TMCO5A: variants seen among roughly 807,000 people sequenced by gnomAD.
TMCO5A encodes transmembrane and coiled-coil domains 5A.
TMCO5A carries 34 observed loss-of-function variants against 42.3 expected under a neutral mutation model. The ratio of observed to expected loss-of-function variants is 0.80; its 90% CI spans 0.61 to 1.07. TMCO5A has a LOEUF of 1.07. Ranked by LOEUF, TMCO5A falls within the 50% of genes least tolerant of loss-of-function variation. The pLI is 0.00. For synonymous variants in TMCO5A, 131 were observed against 115.6 expected, an observed-to-expected ratio of 1.13 and a Z score of -0.86; for missense variants, 357 against 327.9, an observed-to-expected ratio of 1.09 and a Z score of -0.69.
rs1401516471 is a variant in TMCO5A at position 37,937,351 on chromosome 15, G to A, written c.270G>A (p.Arg90=). The change falls in exon 5 of 12, where the codon AGG becomes AGA. Residue 90 remains arginine, a synonymous_variant. Transcript: ENST00000319669. ...CTGTTATTTCTCTCTCACAGGAAAG[G>A]AAGAATAAGACGTTGGTCCACAGTA... is the stretch of plus-strand genomic sequence containing the variant. ...ELEEETARLE[R]KNKTLVHSIT... is the part of the protein sequence containing the mutation. The A allele has an allele frequency of 5.6e-6, 9 of 1,612,946 alleles. No homozygotes were observed. The highest frequency in any genetic ancestry group is 2.2e-5 in the East Asian group (1 of 44,838).
the TMCO5A span, among the ~76,000 whole-genome samples, chr15:38,003,916 A>G: frequency 6.6e-6 from 1 of 152,076 alleles, no homozygotes; most frequent in Admixed American, 6.5e-5. Flanking sequence ...GTGGTACCCA[A>G]GCTTCAAAAC....
intron 5 of TMCO5A, among the ~76,000 whole-genome samples, chr15:37,937,685 A>G (rs750413457): frequency 5.9e-5 from 9 of 152,148 alleles, no homozygotes; most frequent in Non-Finnish European, 1.3e-4. Context: ...TGTTGAAGTC[A>G]TTGACTGGAA....
the TMCO5A span, among the ~76,000 whole-genome samples, chr15:37,995,676 T>A: frequency 6.6e-6 from 1 of 152,182 alleles, no homozygotes; most frequent in Non-Finnish European, 1.5e-5. Context: ...AGTCATTTTG[T>A]AGAAGCACAT....
chr15:37,983,758 C>G, the TMCO5A span, among the ~76,000 whole-genome samples: 2,058 of 144,728 alleles, frequency 0.014, 44 homozygotes, highest in African/African-American at 0.05. Context: ...GAGTTTCGCT[C>G]TTGTTGCCCA....
At chr15:38,029,684 A>C in the TMCO5A span, among the ~76,000 whole-genome samples, 2 of 152,142 alleles carry the variant, frequency 1.3e-5, no homozygotes, top group Non-Finnish European at 2.9e-5. Context: ...TCCTGGGCTC[A>C]AGTGATCCAC....
chr15:37,935,009 A>G (rs1246640000), intron 1 of TMCO5A, among the ~76,000 whole-genome samples: 2 of 152,128 alleles, frequency 1.3e-5, no homozygotes, highest in East Asian at 1.9e-4. Flanking sequence ...CTCTGACTAT[A>G]TCTATTAATA....
the TMCO5A span, among the ~76,000 whole-genome samples, chr15:37,995,566 G>C: frequency 6.6e-6 from 1 of 152,190 alleles, no homozygotes; most frequent in Non-Finnish European, 1.5e-5. Flanking sequence ...TTCCACCGAA[G>C]AGCCCAGTGG....
the TMCO5A span, among the ~76,000 whole-genome samples, chr15:37,992,740 G>C: frequency 6.6e-6 from 1 of 152,104 alleles, no homozygotes; most frequent in Non-Finnish European, 1.5e-5. Context: ...GCAAATTAAC[G>C]TAAGAACAGA....
chr15:37,969,198 T>A (rs1470624703), downstream of TMCO5A, among the ~76,000 whole-genome samples: 1 of 152,182 alleles, frequency 6.6e-6, no homozygotes, highest in Non-Finnish European at 1.5e-5. Flanking sequence ...ATGCCACATA[T>A]TAGATAAGCT....
At chr15:37,965,253 AAAATC>A (rs369800157) in intron 11 of TMCO5A, among the ~76,000 whole-genome samples, 9 of 152,218 alleles carry the variant, frequency 5.9e-5, no homozygotes, top group Admixed American at 6.6e-5. Context: ...ACCATATACA[AAAATC>A]AAATCAAAAT....
the TMCO5A span, among the ~76,000 whole-genome samples, chr15:38,006,789 AC>A: frequency 1.3e-5 from 2 of 151,974 alleles, no homozygotes; most frequent in African/African-American, 2.4e-5. Context: ...GGATTAGCAA[AC>A]TTTTTTGTAA....
chr15:37,985,073 A>G, the TMCO5A span, among the ~76,000 whole-genome samples: 9 of 151,844 alleles, frequency 5.9e-5, no homozygotes, highest in African/African-American at 2.2e-4. Context: ...AAAACAACAG[A>G]ACAGAACATA....
downstream of TMCO5A, among the ~76,000 whole-genome samples, chr15:37,969,604 T>C (rs1029964983): frequency 5.3e-5 from 8 of 152,184 alleles, no homozygotes; most frequent in Admixed American, 3.9e-4. Context: ...GTTTGCTATA[T>C]AGGTAAATTG....
chr15:37,955,651 C>A (rs1890269319), downstream of TMCO5A, among the ~76,000 whole-genome samples: 1 of 152,104 alleles, frequency 6.6e-6, no homozygotes, highest in Non-Finnish European at 1.5e-5. Context: ...TAGTGGAAGA[C>A]TTTAACATCC....
chr15:38,024,155 CTCTT>C, the TMCO5A span, among the ~76,000 whole-genome samples: 3 of 152,182 alleles, frequency 2.0e-5, no homozygotes, highest in Non-Finnish European at 4.4e-5. Flanking sequence ...TTTAATTTTC[CTCTT>C]TCTTGCCTTT....
chr15:38,005,179 G>A, the TMCO5A span, among the ~76,000 whole-genome samples: 2 of 149,950 alleles, frequency 1.3e-5, no homozygotes, highest in Non-Finnish European at 3.0e-5. Flanking sequence ...CACCTAGAGA[G>A]AGGATCCTTA....
the TMCO5A span, among the ~76,000 whole-genome samples, chr15:37,983,484 G>C: frequency 6.6e-6 from 1 of 152,196 alleles, no homozygotes; most frequent in African/African-American, 2.4e-5. Context: ...TTGGGGCACA[G>C]CCCAAGGTAG....
At chr15:37,958,924 G>A (rs1280666366) in intron 11 of TMCO5A, among the ~76,000 whole-genome samples, 2 of 152,074 alleles carry the variant, frequency 1.3e-5, no homozygotes, top group South Asian at 4.1e-4. Flanking sequence ...ATACACCATG[G>A]ACTACTATGC....
the TMCO5A span, among the ~76,000 whole-genome samples, chr15:38,035,053 G>T: frequency 3.3e-5 from 5 of 152,270 alleles, no homozygotes; most frequent in South Asian, 8.3e-4. Flanking sequence ...TCTTTGTTGG[G>T]AGTATGGATA....
Sources: allele counts gnomAD v4.1 joint callset (sites outside exome capture counted in the v4.1 genomes callset), GRCh38; gene constraint gnomAD v4.1.1; transcripts MANE v1.5; gene names NCBI Gene and HGNC (gene_info 2026-07-23, HGNC 2026-07-21).